The following PPP2R3B variants were observed in gnomAD, a reference collection of about 807,000 sequenced individuals.
The protein encoded by PPP2R3B is protein phosphatase 2 regulatory subunit B''beta.
PPP2R3B carries 68 observed loss-of-function variants against 72.9 expected under a neutral mutation model. The observed-to-expected ratio is 0.93, with a 90% CI of 0.77 to 1.14. The LOEUF (loss-of-function observed/expected upper bound fraction) is 1.14. PPP2R3B is among the 50% of genes most tolerant of loss of function. PPP2R3B has a pLI of 0.00. For missense variants in PPP2R3B, 1,018 were observed against 842.0 expected (o/e 1.21, Z -2.59); for synonymous variants, 466 against 375.8 (o/e 1.24, Z -2.78).
intron 10 of PPP2R3B, among the ~76,000 whole-genome samples, chrX:340,213 GGT>G (rs1464724691): frequency 3.1e-4 from 9 of 29,354 alleles, no homozygotes; most frequent in Non-Finnish European, 3.9e-4. Context: ...GGGGGGGGGG[GGT>G]GAGGGGAGGA....
At chrX:356,913 A>T (rs868096266) in intron 2 of PPP2R3B, among the ~76,000 whole-genome samples, 39 of 118,868 alleles carry the variant, frequency 3.3e-4, no homozygotes, top group Middle Eastern at 4.0e-3. Context: ...CCCCACGGTA[A>T]CCACGCCTTC....
At chrX:379,945 G>A (rs2072087195) in intron 1 of PPP2R3B, among the ~76,000 whole-genome samples, 1 of 152,104 alleles carries the variant, frequency 6.6e-6, no homozygotes, top group African/African-American at 2.4e-5. Flanking sequence ...GCAATGGGAT[G>A]GAAATAATAA....
intron 1 of PPP2R3B, among the ~76,000 whole-genome samples, chrX:379,887 G>A (rs750864455): frequency 2.6e-5 from 4 of 152,300 alleles, no homozygotes; most frequent in Non-Finnish European, 5.9e-5. Flanking sequence ...TTGCTAGAAA[G>A]TTACACTAAT....
At chrX:378,996 C>T (rs1446099198) in intron 1 of PPP2R3B, among the ~76,000 whole-genome samples, 4 of 152,194 alleles carry the variant, frequency 2.6e-5, no homozygotes, top group African/African-American at 7.2e-5. Flanking sequence ...TCTAATGAAA[C>T]GTTAAGATAA....
chrX:369,792 C>T (rs1268564637), intron 1 of PPP2R3B, among the ~76,000 whole-genome samples: 2 of 152,218 alleles, frequency 1.3e-5, no homozygotes, highest in African/African-American at 4.8e-5. Context: ...AGCAGGGGGC[C>T]GGCGGAAGGG....
rs2738355 is a variant in PPP2R3B at position 345,417 on chromosome X, T to A, written c.1036+99A>T. On this transcript the variant is annotated intron_variant, in intron 7 of 12. Transcript: ENST00000390665. ...GGAGAGGCAGCTGCAGACACAGAGC[T>A]GGGAGTGCGGAAGGAGAGGCAGCTG... The A allele has an allele frequency of 6.7e-6, 10 of 1,486,124 alleles. No homozygotes were observed. The African/African-American group carries it at 1.1e-4, about 16-fold the overall frequency. 92.1% of individuals were successfully genotyped at this position (1,486,124 alleles called of 1,614,324 possible). A position where few individuals can be genotyped will look rare whatever the true frequency, so the allele number is the denominator to read the frequency against.
At chrX:355,479 A>G (rs2738394) in intron 2 of PPP2R3B, among the ~76,000 whole-genome samples, 43,421 of 151,906 alleles carry the variant, frequency 0.29, 6,665 homozygotes, top group East Asian at 0.38. Context: ...CAACGGAGGG[A>G]CCGGCTCTAA....
intron 1 of PPP2R3B, among the ~76,000 whole-genome samples, chrX:368,475 C>T (rs1289520034): frequency 3.3e-4 from 24 of 72,770 alleles, no homozygotes; most frequent in South Asian, 4.9e-4. Flanking sequence ...CCACCCACCC[C>T]GGGCACCGAC....
At chrX:343,834 C>G (rs1293242388) in intron 7 of PPP2R3B, among the ~76,000 whole-genome samples, 1 of 29,070 alleles carries the variant, frequency 3.4e-5, no homozygotes, top group African/African-American at 1.9e-4. Context: ...CAACGGGAGG[C>G]GGTAGGGAGA....
At chrX:359,505 C>T (rs1419398890) in intron 2 of PPP2R3B, among the ~76,000 whole-genome samples, 1 of 152,196 alleles carries the variant, frequency 6.6e-6, no homozygotes, top group East Asian at 1.9e-4. Context: ...TCTTTTCATT[C>T]ACTACATGTT....
In PPP2R3B at chrX:340,954, AGCTCTGTCAGCCCCT is replaced by A. The variant is rs1370044938; in HGVS notation, c.1176-29_1176-15del. On this transcript the variant is annotated splice_polypyrimidine_tract_variant and intron_variant, in intron 9 of 12. Coordinates refer to ENST00000390665, the MANE Select transcript of PPP2R3B (RefSeq NM_013239.5). ...CAGTACTCGATGCTGCGGCACGGCG[AGCTCTGTCAGCCCCT>A]GCCCTGGGCCCTCCCAGCCCGTGAC... The A allele has an allele frequency of 6.2e-7, 1 of 1,605,628 alleles. No homozygotes were observed. The highest frequency in any genetic ancestry group is 1.7e-5 in the Admixed American group (1 of 59,782).
intron 7 of PPP2R3B, 143 bp from the exon 8 acceptor site, chrX:342,074 C>T: frequency 2.3e-6 from 2 of 879,050 alleles, no homozygotes; most frequent in Non-Finnish European, 3.8e-6. Context: ...GCCCCGATGC[C>T]CCTGCACGGC....
intron 12 of PPP2R3B, chrX:335,056 CAG>C (rs1794175556): frequency 6.6e-6 from 1 of 152,622 alleles, no homozygotes. Flanking sequence ...CACAGACTCT[CAG>C]AGATCCTGTG....
intron 2 of PPP2R3B, among the ~76,000 whole-genome samples, chrX:348,733 A>T (rs2071273761): frequency 6.6e-6 from 1 of 152,180 alleles, no homozygotes; most frequent in African/African-American, 2.4e-5. Flanking sequence ...TACAATAGAA[A>T]ATCTGAAAGA....
In PPP2R3B at chrX:341,313, G is replaced by A. The variant is rs200596621; in HGVS notation, c.1169C>T (p.Pro390Leu). ...FLISEEDKKT[P>L]TSIEYWFRCM... is the part of the protein sequence containing the mutation. ...TGCCGCAGCAGGAACCCACCTGGTC[G>A]GTGTTTTTTTGTCTTCCTCAGAGAT... is the stretch of plus-strand genomic sequence containing the variant. Residue 390 changes from proline to leucine, a missense_variant, in exon 9 of 13, where the codon CCG (proline) becomes CTG (leucine). Pro to Leu is a moderately conservative substitution (Grantham distance 98). Transcript: ENST00000390665. The A allele has an allele frequency of 1.5e-4, 237 of 1,612,354 alleles. No individual in the cohort carries two copies. Among genetic ancestry groups the A allele is most frequent in the Non-Finnish European group, 1.7e-4 (202 of 1,179,716 alleles).
intron 7 of PPP2R3B, chrX:342,183 T>G (rs2071094499): frequency 1.7e-6 from 1 of 603,316 alleles, no homozygotes; most frequent in Admixed American, 2.9e-5. Context: ...GACCGACTTG[T>G]AAAGAGCAGA....
intron 12 of PPP2R3B, 167 bp from the exon 13 acceptor site, chrX:334,684 G>T (rs1482308127): frequency 2.5e-6 from 2 of 808,712 alleles, no homozygotes; most frequent in Admixed American, 4.1e-5. Context: ...GGCTGAGGAC[G>T]CCGGCTCCAC....
At chrX:341,183 G>T (rs2071063378) in intron 9 of PPP2R3B, 124 bp downstream of exon 9, 1 of 934,322 alleles carries the variant, frequency 1.1e-6, no homozygotes, top group East Asian at 2.4e-5. Context: ...CACCGGGCGT[G>T]CACATGTCCC....
At chrX:339,107 T>G (rs2070981034) in intron 10 of PPP2R3B, among the ~76,000 whole-genome samples, 1 of 150,494 alleles carries the variant, frequency 6.6e-6, no homozygotes, top group African/African-American at 2.4e-5. Context: ...CGGAGGCGAC[T>G]AGGGGCCACC....
Sources: gnomAD v4.1 joint callset for allele counts (sites outside exome capture counted in the v4.1 genomes callset) on GRCh38, gnomAD v4.1.1 for gene constraint, MANE v1.5 for transcripts, NCBI Gene and HGNC (gene_info 2026-07-23, HGNC 2026-07-21) for gene names.